ABAT: variants seen among roughly 807,000 people sequenced by gnomAD.
The protein encoded by ABAT is 4-aminobutyrate aminotransferase.
ABAT carries 45 observed loss-of-function variants against 64.6 expected under a neutral mutation model. That is an observed-to-expected ratio of 0.70 (90% CI 0.55 to 0.89). The LOEUF (loss-of-function observed/expected upper bound fraction) is 0.89, where lower values mean the gene tolerates loss of function less well. Ranked by LOEUF, ABAT falls within the 40% of genes least tolerant of loss-of-function variation. ABAT has a pLI of 0.00. For synonymous variants in ABAT, 297 were observed against 250.5 expected (o/e 1.19, Z -1.75); for missense variants, 633 against 658.4 (o/e 0.96, Z 0.42).
At chr16:8,780,860 T>A in intron 15 of ABAT, 1 of 345,920 alleles carries the variant, frequency 2.9e-6, no homozygotes, top group Non-Finnish European at 5.5e-6. Flanking sequence ...AGCCTGTCCC[T>A]CCTCCGTAAT....
intron 11 of ABAT, among the ~76,000 whole-genome samples, chr16:8,769,269 C>G (rs1379696045): frequency 6.6e-6 from 1 of 152,110 alleles, no homozygotes. Context: ...GAAAACAGAT[C>G]AGTTGAAAGA....
At chr16:8,704,679 CA>C (rs1261515131) in intron 1 of ABAT, among the ~76,000 whole-genome samples, 2 of 152,038 alleles carry the variant, frequency 1.3e-5, no homozygotes, top group Non-Finnish European at 2.9e-5. Context: ...TACAATTTTA[CA>C]TTCTTTTTTT....
Position 8,775,042 on chromosome 16 carries a change from G to C in ABAT, c.1107G>C (p.Glu369Asp). ...MMTGGFFHKEEFRPNAPYRIF... is the reference protein window; with the variant it reads ...MMTGGFFHKEDFRPNAPYRIF... ...CTGGGGGCTTCTTCCACAAGGAGGA[G>C]TTCAGGCCTAATGCTGTGAGTTGGA... Residue 369 changes from glutamate (E) to aspartate (D), a missense_variant, in exon 13 of 16, where the codon GAG becomes GAC. Coordinates refer to ENST00000268251, the MANE Select transcript of ABAT (RefSeq NM_020686.6). The C allele has an allele frequency of 6.2e-7, 1 of 1,614,230 alleles. No individual in the cohort carries two copies. Among genetic ancestry groups the C allele is most frequent in the Non-Finnish European group, 8.5e-7 (1 of 1,180,042 alleles).
At chr16:8,766,943 C>T (rs577217399) in intron 9 of ABAT, among the ~76,000 whole-genome samples, 32 of 152,306 alleles carry the variant, frequency 2.1e-4, no homozygotes, top group African/African-American at 7.2e-4. Flanking sequence ...TGCACTCCAG[C>T]CTGGCGACAG....
At chr16:8,768,744 A>T (rs1412531782) in intron 10 of ABAT, 81 bp from the exon 11 acceptor site, 2 of 1,597,626 alleles carry the variant, frequency 1.3e-6, no homozygotes, top group Non-Finnish European at 8.6e-7. Context: ...TTGCGCTGAA[A>T]TGTCTATCAT....
chr16:8,762,134 G>T (rs1440732210), intron 6 of ABAT, among the ~76,000 whole-genome samples: 1 of 152,120 alleles, frequency 6.6e-6, no homozygotes, highest in Non-Finnish European at 1.5e-5. Flanking sequence ...AAGTGACTGG[G>T]ATTATAGGCG....
chr16:8,725,797 C>CT (rs953810961), intron 1 of ABAT, among the ~76,000 whole-genome samples: 15 of 152,250 alleles, frequency 9.9e-5, no homozygotes, highest in African/African-American at 3.4e-4. Context: ...CTATGCTTAA[C>CT]TTTTTGAGGA....
intron 1 of ABAT, among the ~76,000 whole-genome samples, chr16:8,703,328 C>T (rs944637682): frequency 2.0e-5 from 3 of 151,770 alleles, no homozygotes; most frequent in East Asian, 1.9e-4. Flanking sequence ...TGGTGGTGTG[C>T]GCCTGTAGTC....
At chr16:8,713,672 C>G in intron 1 of ABAT, 1 of 337,224 alleles carries the variant, frequency 3.0e-6, no homozygotes, top group South Asian at 2.2e-5. Context: ...CCTTTTCTGT[C>G]TCCTCCACCT....
intron 2 of ABAT, among the ~76,000 whole-genome samples, chr16:8,738,626 TTG>T (rs1240833690): frequency 0.016 from 2,367 of 146,814 alleles, 153 homozygotes; most frequent in African/African-American, 0.057. Context: ...GTTTTTGTTT[TTG>T]TTTTTTTTTT....
chr16:8,687,695 G>C (rs566230773), intron 1 of ABAT, among the ~76,000 whole-genome samples: 2 of 152,168 alleles, frequency 1.3e-5, no homozygotes, highest in Non-Finnish European at 2.9e-5. Flanking sequence ...TTGGGCTGAG[G>C]CCTGTGTCTT....
At chr16:8,772,978 G>C in intron 12 of ABAT, 61 bp downstream of exon 12, 1 of 1,607,948 alleles carries the variant, frequency 6.2e-7, no homozygotes, top group Non-Finnish European at 8.5e-7. Flanking sequence ...AGTTCCCCGA[G>C]TAACGGGCCA....
chr16:8,680,075 T>C (rs943671885), intron 1 of ABAT, among the ~76,000 whole-genome samples: 4 of 152,152 alleles, frequency 2.6e-5, no homozygotes, highest in Non-Finnish European at 5.9e-5. Flanking sequence ...TTACAGGTAG[T>C]CTTCCCCGAC....
chr16:8,735,834 A>C (rs1462157702), intron 2 of ABAT, 25 bp downstream of exon 2: 11 of 1,572,432 alleles, frequency 7.0e-6, no homozygotes, highest in Non-Finnish European at 9.5e-6. Context: ...TCTTGATAAG[A>C]ACTGGTACTA....
Position 8,781,903 on chromosome 16 carries a change from G to GC in ABAT, c.*475dup, listed in dbSNP as rs1248472333. The GC allele has an allele frequency of 2.2e-5, 7 of 314,188 alleles. No individual in the cohort carries two copies. The highest frequency in any genetic ancestry group is 2.3e-3 in the Middle Eastern group (2 of 878). The allele number at this position is 314,188 out of a possible 1,614,324, so 19.5% of individuals were successfully genotyped here. ...AAACACACTCTCACCTCCTCTCCCA[G>GC]CCTCCCGGAGCTCTGAGCACGCCCC... On this transcript the variant is annotated 3_prime_UTR_variant, in exon 16 of 16. Coordinates refer to ENST00000268251, the MANE Select transcript of ABAT (RefSeq NM_020686.6). The surrounding 1 kb of genome is among the most constrained non-coding windows in gnomAD (Gnocchi z 4.5).
intron 6 of ABAT, among the ~76,000 whole-genome samples, chr16:8,758,710 C>T (rs2059711859): frequency 6.6e-6 from 1 of 152,106 alleles, no homozygotes; most frequent in Non-Finnish European, 1.5e-5. Flanking sequence ...GGCCAGATGT[C>T]CCCTGGTGGA....
Position 8,772,827 on chromosome 16 carries a change from C to CG in ABAT, c.867dup (p.Ile290AspfsTer18). On this transcript the variant is annotated frameshift_variant, in exon 12 of 16. Transcript: ENST00000268251. LOFTEE classifies it high-confidence loss of function. ...ATCGGAAAAAGAAGAAGACGGTGGC[C>CG]GGGATCATCGTGGAGCCCATCCAGT... The CG allele has an allele frequency of 6.2e-7, 1 of 1,614,008 alleles. No individual in the cohort carries two copies. Among genetic ancestry groups the CG allele is most frequent in the African/African-American group, 1.3e-5 (1 of 75,002 alleles).
At chr16:8,698,335 T>C (rs1419986592) in intron 1 of ABAT, among the ~76,000 whole-genome samples, 1 of 146,128 alleles carries the variant, frequency 6.8e-6, no homozygotes, top group Non-Finnish European at 1.5e-5. Flanking sequence ...CTTCTGGCTC[T>C]TTTTTTTTTT....
At chr16:8,701,531 G>T (rs757536369) in intron 1 of ABAT, among the ~76,000 whole-genome samples, 1 of 152,232 alleles carries the variant, frequency 6.6e-6, no homozygotes, top group African/African-American at 2.4e-5. Context: ...TTCACTATCC[G>T]ATGTGACTGA....
Sources: allele counts gnomAD v4.1 joint callset (sites outside exome capture counted in the v4.1 genomes callset), GRCh38; gene constraint gnomAD v4.1.1; non-coding constraint Gnocchi (gnomAD v3.1); transcripts MANE v1.5; gene names NCBI Gene and HGNC (gene_info 2026-07-23, HGNC 2026-07-21).